The following AXDND1 variants were observed in gnomAD, a reference collection of about 807,000 sequenced individuals.
AXDND1 encodes the protein axonemal dynein light chain domain-containing protein 1.
Under a neutral mutation model 137.5 loss-of-function variants are expected in AXDND1, and 110 were observed. The ratio of observed to expected loss-of-function variants is 0.80; its 90% confidence interval spans 0.69 to 0.94. The LOEUF (loss-of-function observed/expected upper bound fraction) is 0.94, where lower values mean the gene tolerates loss of function less well. Ranked by LOEUF, AXDND1 falls within the 40% of genes least tolerant of loss-of-function variation. AXDND1 has a pLI of 0.00. For synonymous variants in AXDND1, 414 were observed against 399.7 expected, an observed-to-expected ratio of 1.04 and a Z score of -0.43; for missense variants, 1,191 against 1,169.8, an observed-to-expected ratio of 1.02 and a Z score of -0.26.
intron 9 of AXDND1, among the ~76,000 whole-genome samples, chr1:179,392,896 G>A (rs1650417463): frequency 6.6e-6 from 1 of 151,874 alleles, no homozygotes; most frequent in Non-Finnish European, 1.5e-5. Context: ...CATAGTTTAT[G>A]AATATTTTCT....
chr1:179,385,485 T>TG (rs1377470059), intron 9 of AXDND1, 126 bp downstream of exon 9: 33 of 1,104,630 alleles, frequency 3.0e-5, no homozygotes, highest in Non-Finnish European at 4.1e-5. Context: ...GTAATCTAAC[T>TG]GCATTTTTTT....
intron 25 of AXDND1, among the ~76,000 whole-genome samples, chr1:179,546,992 A>T (rs1672711256): frequency 6.6e-6 from 1 of 152,182 alleles, no homozygotes; most frequent in East Asian, 1.9e-4. Context: ...TCCTAGCTGG[A>T]GGTCAATGAC....
At chr1:179,384,510 A>G (rs1002454515) in intron 8 of AXDND1, among the ~76,000 whole-genome samples, 13 of 152,190 alleles carry the variant, frequency 8.5e-5, no homozygotes, top group Non-Finnish European at 1.5e-4. Flanking sequence ...CTAGTCCAGA[A>G]TCTAAGAAAT....
At chr1:179,539,410 G>A (rs1029081254) in intron 25 of AXDND1, among the ~76,000 whole-genome samples, 12 of 152,158 alleles carry the variant, frequency 7.9e-5, no homozygotes, top group African/African-American at 2.7e-4. Context: ...CTCAGCATTT[G>A]CTTGTCTGTA....
At chr1:179,384,487 C>T (rs1443256891) in intron 8 of AXDND1, among the ~76,000 whole-genome samples, 1 of 152,044 alleles carries the variant, frequency 6.6e-6, no homozygotes, top group African/African-American at 2.4e-5. Context: ...TTAAAAATAG[C>T]TATTTTTTCT....
At chr1:179,484,002 T>G (rs567175792) in intron 18 of AXDND1, among the ~76,000 whole-genome samples, 1 of 152,094 alleles carries the variant, frequency 6.6e-6, no homozygotes, top group Admixed American at 6.5e-5. Flanking sequence ...GGGAAGGCAT[T>G]GAGGGTGGAC....
Position 179,488,894 on chromosome 1 carries a change from C to G in AXDND1, c.2092-2644C>G, listed in dbSNP as rs912380224. 1.4e-5 allele frequency among the ~76,000 whole-genome samples: 2 copies of G among 145,492 alleles called. 1 individual carries two copies. The highest frequency in any genetic ancestry group is 5.4e-5 in the African/African-American group (2 of 37,350). On this transcript the variant is annotated intron_variant, in intron 18 of 25. Transcript: ENST00000367618. ...GAATTACAGGCGCGTGCCACCACAC[C>G]AGGCCAATTTTTGTATTTTTAGTAG...
intron 19 of AXDND1, among the ~76,000 whole-genome samples, 186 bp from the exon 20 acceptor site, chr1:179,492,669 A>C (rs1256576648): frequency 6.6e-6 from 1 of 152,194 alleles, no homozygotes; most frequent in Admixed American, 6.5e-5. Flanking sequence ...GAAGGAGGAC[A>C]AGGGTAAGAA....
At chr1:179,465,341 G>T (rs1202656768) in intron 16 of AXDND1, among the ~76,000 whole-genome samples, 1 of 152,160 alleles carries the variant, frequency 6.6e-6, no homozygotes, top group African/African-American at 2.4e-5. Flanking sequence ...CCTTCTAACA[G>T]TCAGGACCCT....
chr1:179,496,713 T>C (rs922304300), intron 20 of AXDND1, among the ~76,000 whole-genome samples: 6 of 151,990 alleles, frequency 3.9e-5, no homozygotes, highest in Non-Finnish European at 7.4e-5. Context: ...CAGTCTAGTC[T>C]TTATTGTTTA....
At chr1:179,449,033 G>T in intron 16 of AXDND1, 1 of 393,688 alleles carries the variant, frequency 2.5e-6, no homozygotes. Flanking sequence ...CTACAGGTGT[G>T]TGCCACCACT....
intron 12 of AXDND1, among the ~76,000 whole-genome samples, chr1:179,428,868 A>G (rs1656961653): frequency 6.6e-6 from 1 of 152,232 alleles, no homozygotes; most frequent in South Asian, 2.1e-4. Flanking sequence ...GTGATTAACA[A>G]ATACACGTGT....
At chr1:179,432,445 A>T in intron 15 of AXDND1, 103 bp downstream of exon 15, 1 of 1,367,300 alleles carries the variant, frequency 7.3e-7, no homozygotes, top group Non-Finnish European at 9.6e-7. Context: ...TTTTTTTGGG[A>T]CGTTGTCTCA....
chr1:179,411,599 A>G (rs1271774574), intron 12 of AXDND1, among the ~76,000 whole-genome samples: 1 of 152,156 alleles, frequency 6.6e-6, no homozygotes, highest in African/African-American at 2.4e-5. Context: ...GTGGGCTTTG[A>G]AAAGGAAAAG....
intron 9 of AXDND1, among the ~76,000 whole-genome samples, chr1:179,386,720 T>C (rs1649281819): frequency 1.3e-5 from 2 of 152,058 alleles, no homozygotes. Context: ...TATCTAATTA[T>C]TATTACTATT....
chr1:179,415,771 C>G (rs1654603125), intron 12 of AXDND1, among the ~76,000 whole-genome samples: 1 of 151,916 alleles, frequency 6.6e-6, no homozygotes, highest in African/African-American at 2.4e-5. Context: ...GTGGCGCGAT[C>G]TCTGCTCGCT....
chr1:179,506,492 G>C (rs534968738), intron 20 of AXDND1, among the ~76,000 whole-genome samples: 2 of 152,028 alleles, frequency 1.3e-5, no homozygotes, highest in Non-Finnish European at 2.9e-5. Context: ...CAGACTTTGC[G>C]AGGCTGAGGC....
intron 14 of AXDND1, among the ~76,000 whole-genome samples, chr1:179,431,154 T>G (rs1657316809): frequency 6.6e-6 from 1 of 152,168 alleles, no homozygotes; most frequent in Non-Finnish European, 1.5e-5. Context: ...AATTTTATTT[T>G]TTTTTGAGAC....
rs200306104 is a variant in AXDND1 at position 179,382,762 on chromosome 1, T to C, written c.638+6T>C. On this transcript the variant is annotated splice_donor_region_variant and intron_variant, in intron 7 of 25. Transcript: ENST00000367618. ...CTATTGCTCTTCCCATCCATGTAAG[T>C]ACAGTTTATTTTCTAAAGTCTTTCT... The C allele has an allele frequency of 3.0e-5, 48 of 1,582,144 alleles. No individual in the cohort carries two copies. The African/African-American group carries it at 5.5e-4, about 18-fold the overall frequency.
Sources: gnomAD v4.1 joint callset for allele counts (sites outside exome capture counted in the v4.1 genomes callset) on GRCh38, gnomAD v4.1.1 for gene constraint, MANE v1.5 for transcripts, NCBI Gene and HGNC (gene_info 2026-07-23, HGNC 2026-07-21) for gene names.